SMIM12: variants seen among roughly 807,000 people sequenced by gnomAD.
The protein encoded by SMIM12 is UPF0767 protein C1orf212.
In SMIM12, 5 loss-of-function variants were observed where a neutral mutation model predicts 6.3. The ratio of observed to expected loss-of-function variants is 0.80; its 90% CI spans 0.42 to 1.68. The LOEUF (loss-of-function observed/expected upper bound fraction) is 1.68. Among genes scored for constraint, SMIM12 ranks in the 40% most tolerant of loss-of-function variants. The pLI is 0.02. For missense variants in SMIM12, 103 were observed against 121.4 expected (o/e 0.85, Z 0.71); for synonymous variants, 51 against 48.0 (o/e 1.06, Z -0.26).
intron 1 of SMIM12, chr1:34,858,196 C>G (rs569895059): frequency 2.7e-5 from 4 of 150,410 alleles, no homozygotes; most frequent in Non-Finnish European, 5.9e-5. Context: ...AATTTACACA[C>G]TAATCATCAT....
rs767028604 is a variant in SMIM12 at position 34,855,176 on chromosome 1, C to T, written c.*523G>A. On this transcript the variant is annotated 3_prime_UTR_variant, in exon 2 of 2. Coordinates refer to ENST00000521580, the MANE Select transcript of SMIM12 (RefSeq NM_138428.6). ...CCCCAAAGTGAACAGTCTGGGCTTCCCAGAACAGAAAAGTGCTTTCCTTCC... is the reference window on the plus strand; with the variant it reads ...CCCCAAAGTGAACAGTCTGGGCTTCTCAGAACAGAAAAGTGCTTTCCTTCC... 4 of 1,367,642 alleles carry T rather than the reference C, an allele frequency of 2.9e-6. No homozygotes were observed. The highest frequency in any genetic ancestry group is 3.9e-6 in the Non-Finnish European group (4 of 1,021,946). 84.7% of individuals were successfully genotyped at this position (1,367,642 alleles called of 1,614,324 possible).
rs891731183 is a variant in SMIM12 at position 34,850,822 on chromosome 1, T to G, written c.*4877A>C. On this transcript the variant is annotated 3_prime_UTR_variant, in exon 2 of 2. Transcript: ENST00000521580. ...CCAATTCTCCTGATCTGTGACCTCC[T>G]GGGCATTCTGGCCAATCTGCTTCCC... 1.3e-5 allele frequency: 2 copies of G among 152,282 alleles called. No individual in the cohort carries two copies. Among genetic ancestry groups the G allele is most frequent in the Non-Finnish European group, 2.9e-5 (2 of 68,068 alleles). 9.4% of individuals were successfully genotyped at this position (152,282 alleles called of 1,614,324 possible). A position where few individuals can be genotyped will look rare whatever the true frequency, so the allele number is the denominator to read the frequency against.
Position 34,855,966 on chromosome 1 carries a change from C to T in SMIM12, c.12G>A (p.Val4=). The T allele has an allele frequency of 6.5e-7, 1 of 1,546,938 alleles. No homozygotes were observed. The highest frequency in any genetic ancestry group is 1.2e-5 in the South Asian group (1 of 83,928). MWP[V]FWTVVRTYAP... ...CATAGGTACGAACCACGGTCCAAAA[C>T]ACAGGCCACATGACATCTGCGGAAA... Residue 4 remains valine (V), a synonymous_variant, in exon 2 of 2, where the codon GTG becomes GTA. Transcript: ENST00000521580.
rs80202484 is a variant in SMIM12 at position 34,854,780 on chromosome 1, T to C, written c.*919A>G. The C allele has an allele frequency of 1.2e-4, 19 of 161,746 alleles. No individual in the cohort carries two copies. In the East Asian group the frequency reaches 3.3e-3, roughly 28 times the overall value. 10.0% of individuals were successfully genotyped at this position (161,746 alleles called of 1,614,324 possible). ...CCAAATTTTCTTGAATGTGCGTATA[T>C]ACTTTTATAGGGAAAGGCGTCTATG... On this transcript the variant is annotated 3_prime_UTR_variant, in exon 2 of 2. Coordinates refer to ENST00000521580, the MANE Select transcript of SMIM12 (RefSeq NM_138428.6).
chr1:34,851,532 C>G lies in SMIM12; in HGVS notation c.*4167G>C, dbSNP rs1237507477. On this transcript the variant is annotated 3_prime_UTR_variant, in exon 2 of 2. Coordinates refer to ENST00000521580, the MANE Select transcript of SMIM12 (RefSeq NM_138428.6). ...CACTGCCTGGCTCCCAACCCAGACTCTGGCAAGGCTAATTCCATGATGTTT... is the reference window on the plus strand; with the variant it reads ...CACTGCCTGGCTCCCAACCCAGACTGTGGCAAGGCTAATTCCATGATGTTT... The G allele has an allele frequency of 6.6e-6, 1 of 152,280 alleles. No homozygotes were observed. The highest frequency in any genetic ancestry group is 2.4e-5 in the African/African-American group (1 of 41,466). 9.4% of individuals were successfully genotyped at this position (152,280 alleles called of 1,614,324 possible). A position where few individuals can be genotyped will look rare whatever the true frequency, so the allele number is the denominator to read the frequency against.
chr1:34,857,511 A>C (rs1448113069), intron 1 of SMIM12: 1 of 152,200 alleles, frequency 6.6e-6, no homozygotes, highest in Non-Finnish European at 1.5e-5. Context: ...CATGTCCACC[A>C]CGTGAGGTAG....
Position 34,852,408 on chromosome 1 carries a change from G to A in SMIM12, c.*3291C>T, listed in dbSNP as rs1261873064. ...GCCTTTGTACAGGATGCCCAAAAGT[G>A]TTTTGAGGGAAACCAATTCTGGGAT... On this transcript the variant is annotated 3_prime_UTR_variant, in exon 2 of 2. Transcript: ENST00000521580. 8.0e-6 allele frequency among the ~76,000 whole-genome samples: 1 copy of A among 125,772 alleles called. No individual in the cohort carries two copies. The highest frequency in any genetic ancestry group is 1.6e-5 in the Non-Finnish European group (1 of 62,730). 82.5% of individuals were successfully genotyped at this position (125,772 alleles called of 152,430 possible).
At position 34,852,772 on chromosome 1, in the gene SMIM12, T is replaced by A. The variant is rs1638496915; in HGVS notation, c.*2927A>T. The A allele has an allele frequency of 6.6e-6, 1 of 152,664 alleles. No homozygotes were observed. The highest frequency in any genetic ancestry group is 6.6e-5 in the Admixed American group (1 of 15,260). 9.5% of individuals were successfully genotyped at this position (152,664 alleles called of 1,614,324 possible). A position where few individuals can be genotyped will look rare whatever the true frequency, so the allele number is the denominator to read the frequency against. ...AGCAGATTGGAAGGTGAGTCACCACTGCCCCCTTTCGGCAGGTCTATACTT... is the reference window on the plus strand; with the variant it reads ...AGCAGATTGGAAGGTGAGTCACCACAGCCCCCTTTCGGCAGGTCTATACTT... On this transcript the variant is annotated 3_prime_UTR_variant, in exon 2 of 2. Coordinates refer to ENST00000521580, the MANE Select transcript of SMIM12 (RefSeq NM_138428.6).
rs1638477871 is a variant in SMIM12 at position 34,852,485 on chromosome 1, A to AAC, written c.*3213_*3214insGT. Among the ~76,000 whole-genome samples the AAC allele has an allele frequency of 6.7e-6, 1 of 148,302 alleles. No individual in the cohort carries two copies. The highest frequency in any genetic ancestry group is 2.1e-4 in the South Asian group (1 of 4,684). ...CGCCAAAAAAAAAAAAAAAAAAAAAACCATAATTATAGGTGTCATCAGAAG... is the reference window on the plus strand; with the variant it reads ...CGCCAAAAAAAAAAAAAAAAAAAAAAACCCATAATTATAGGTGTCATCAGAAG... On this transcript the variant is annotated 3_prime_UTR_variant, in exon 2 of 2. Coordinates refer to ENST00000521580, the MANE Select transcript of SMIM12 (RefSeq NM_138428.6).
intron 1 of SMIM12, chr1:34,857,416 TATA>T (rs1638689073): frequency 6.6e-6 from 1 of 152,196 alleles, no homozygotes; most frequent in African/African-American, 2.4e-5. Flanking sequence ...CATTCACAGT[TATA>T]ATAACACAGC....
chr1:34,856,892 G>A (rs1460061741), intron 1 of SMIM12, among the ~76,000 whole-genome samples: 1 of 152,118 alleles, frequency 6.6e-6, no homozygotes, highest in Non-Finnish European at 1.5e-5. Flanking sequence ...CAAATCTGCT[G>A]ACTAAACCAT....
At position 34,855,741 on chromosome 1, in the gene SMIM12, G is replaced by A. The variant is rs528788618; in HGVS notation, c.237C>T (p.Ala79=). ...VVSLKDKLEF[A]PKAVLNRNRP... The stretch of plus-strand genomic sequence containing the variant: ...GGTTTCTGTTCAGCACAGCTTTCGG[G>A]GCAAATTCTAGCTTGTCCTTAAGGC... The change falls in exon 2 of 2, where the codon GCC becomes GCT. Residue 79 remains alanine, a synonymous_variant. Transcript: ENST00000521580. 5.0e-6 allele frequency: 8 copies of A among 1,601,692 alleles called. No individual in the cohort carries two copies. The highest frequency in any genetic ancestry group is 4.5e-5 in the East Asian group (2 of 44,434).
At chr1:34,856,241 T>C (rs1197960039) in intron 1 of SMIM12, among the ~76,000 whole-genome samples, 4 of 152,050 alleles carry the variant, frequency 2.6e-5, no homozygotes, top group South Asian at 2.1e-4. Flanking sequence ...TGTATTTTTT[T>C]AGTAGAGACA....
At chr1:34,856,078 G>A (rs942842796) in intron 1 of SMIM12, 96 bp from the exon 2 acceptor site, 1 of 1,281,418 alleles carries the variant, frequency 7.8e-7, no homozygotes, top group Non-Finnish European at 1.0e-6. Context: ...AGGCAGCCTG[G>A]CACAATTTTT....
rs1365240048 is a variant in SMIM12, at chr1:34,851,139, T to C, written c.*4560A>G. On this transcript the variant is annotated 3_prime_UTR_variant, in exon 2 of 2. Transcript: ENST00000521580. ...AAGCTGCTAACATTTACTGAGTACC[T>C]ACTGGTTGTTGTGAGGATGAGGTAA... is the stretch of plus-strand genomic sequence containing the variant. The C allele has an allele frequency of 6.6e-6, 1 of 152,230 alleles. No individual in the cohort carries two copies. The highest frequency in any genetic ancestry group is 1.5e-5 in the Non-Finnish European group (1 of 68,046). The allele number at this position is 152,230 out of a possible 1,614,324, so 9.4% of individuals were successfully genotyped here.
Position 34,855,271 on chromosome 1 carries a change from T to C in SMIM12, c.*428A>G, listed in dbSNP as rs1638603937. 7.3e-7 allele frequency: 1 copy of C among 1,373,596 alleles called. No homozygotes were observed. Among genetic ancestry groups the C allele is most frequent in the Non-Finnish European group, 9.7e-7 (1 of 1,026,106 alleles). The allele number at this position is 1,373,596 out of a possible 1,614,324, so 85.1% of individuals were successfully genotyped here. On this transcript the variant is annotated 3_prime_UTR_variant, in exon 2 of 2. Coordinates refer to ENST00000521580, the MANE Select transcript of SMIM12 (RefSeq NM_138428.6). The stretch of plus-strand genomic sequence containing the variant: ...AATGAGCACAAAGGATAGGGCAAAA[T>C]AGTGAAGGGAGCCAGGTGCATATTT...
Position 34,854,968 on chromosome 1 carries a change from C to A in SMIM12, c.*731G>T. On this transcript the variant is annotated 3_prime_UTR_variant, in exon 2 of 2. Coordinates refer to ENST00000521580, the MANE Select transcript of SMIM12 (RefSeq NM_138428.6). Reference sequence around the variant, plus strand: ...TGGCACCCTTTAATACCAATGTTATCCTGCTCTAAAATGCCTGTACTTGCC... The same window carrying A: ...TGGCACCCTTTAATACCAATGTTATACTGCTCTAAAATGCCTGTACTTGCC... 1.0e-6 allele frequency: 1 copy of A among 979,670 alleles called. No homozygotes were observed. Among genetic ancestry groups the A allele is most frequent in the Non-Finnish European group, 1.4e-6 (1 of 731,384 alleles). 60.7% of individuals were successfully genotyped at this position (979,670 alleles called of 1,614,324 possible).
rs1264308051 is a variant in SMIM12 at position 34,855,039 on chromosome 1, G to A, written c.*660C>T. The A allele has an allele frequency of 1.6e-6, 2 of 1,267,184 alleles. No individual in the cohort carries two copies. Among genetic ancestry groups the A allele is most frequent in the African/African-American group, 1.6e-5 (1 of 64,380 alleles). The allele number at this position is 1,267,184 out of a possible 1,614,324, so 78.5% of individuals were successfully genotyped here. On this transcript the variant is annotated 3_prime_UTR_variant, in exon 2 of 2. Coordinates refer to ENST00000521580, the MANE Select transcript of SMIM12 (RefSeq NM_138428.6). ...AAATACCACCTGGATGATAAGATTC[G>A]ATCATTATGGTTCTCAGATACCACT...
Position 34,853,150 on chromosome 1 carries a change from A to ACCTCTTCACAGCTGGCC in SMIM12, c.*2532_*2548dup. On this transcript the variant is annotated 3_prime_UTR_variant, in exon 2 of 2. Transcript: ENST00000521580. ...GTCCTGGAAGGCACCTCCAGCTGGC[A>ACCTCTTCACAGCTGGCC]CCTCTTCACAGCTGGCCCCTCTAAC... 6.6e-6 allele frequency: 1 copy of ACCTCTTCACAGCTGGCC among 152,366 alleles called. No individual in the cohort carries two copies. Among genetic ancestry groups the ACCTCTTCACAGCTGGCC allele is most frequent in the Non-Finnish European group, 1.5e-5 (1 of 68,226 alleles). 9.4% of individuals were successfully genotyped at this position (152,366 alleles called of 1,614,324 possible). A position where few individuals can be genotyped will look rare whatever the true frequency, so the allele number is the denominator to read the frequency against.
Sources: allele counts gnomAD v4.1 joint callset (sites outside exome capture counted in the v4.1 genomes callset), GRCh38; gene constraint gnomAD v4.1.1; transcripts MANE v1.5; gene names NCBI Gene and HGNC (gene_info 2026-07-23, HGNC 2026-07-21).